The following TEK variants were observed in gnomAD, a reference collection of about 807,000 sequenced individuals.
The protein encoded by TEK is angiopoietin-1 receptor.
Under a neutral mutation model 131.8 loss-of-function variants are expected in TEK, and 43 were observed. The ratio of observed to expected loss-of-function variants is 0.33; its 90% confidence interval spans 0.26 to 0.42. The LOEUF is 0.42. Among genes scored for constraint, TEK ranks in the 10% least tolerant of loss-of-function variants. The probability of loss-of-function intolerance (pLI) is 1.00; values close to 1 mark genes in which losing one functional copy is unlikely to be tolerated. For missense variants in TEK, 1,162 were observed against 1,384.4 expected (o/e 0.84, Z 2.55); for synonymous variants, 580 against 491.6 (o/e 1.18, Z -2.38).
At chr9:27,176,517 A>G (rs140564064) in intron 6 of TEK, among the ~76,000 whole-genome samples, 483 of 152,326 alleles carry the variant, frequency 3.2e-3, no homozygotes, top group African/African-American at 0.011. Context: ...GCTTTGAGTA[A>G]GAAGTTGTGA....
At chr9:27,215,652 T>C (rs1825798856) in intron 18 of TEK, among the ~76,000 whole-genome samples, 1 of 151,892 alleles carries the variant, frequency 6.6e-6, no homozygotes, top group African/African-American at 2.4e-5. Flanking sequence ...GGTTTCACTA[T>C]CATAGATTAA....
At chr9:27,148,160 C>A (rs574258436) in intron 1 of TEK, among the ~76,000 whole-genome samples, 5 of 152,218 alleles carry the variant, frequency 3.3e-5, no homozygotes, top group Non-Finnish European at 7.3e-5. Flanking sequence ...CGAGCACGTC[C>A]TGTAAACATG....
chr9:27,220,664 G>A (rs1274081972), intron 21 of TEK, among the ~76,000 whole-genome samples: 4 of 152,196 alleles, frequency 2.6e-5, no homozygotes. Flanking sequence ...GTGAGCTGAA[G>A]CCTCACCTGG....
At chr9:27,204,887 C>T (rs543228874) in intron 13 of TEK, 24 bp from the exon 14 acceptor site, 9 of 1,613,364 alleles carry the variant, frequency 5.6e-6, no homozygotes, top group Middle Eastern at 1.7e-4. Context: ...AAACTACCTG[C>T]TTCACCTCTG....
chr9:27,169,519 T>A lies in TEK; in HGVS notation c.518T>A (p.Ile173Asn), dbSNP rs749232854. Residue 173 changes from isoleucine (I) to asparagine (N), a missense_variant, in exon 4 of 23, where the codon ATT (isoleucine) becomes AAT (asparagine). Ile to Asn is a moderately radical substitution (Grantham distance 149). Coordinates refer to ENST00000380036, the MANE Select transcript of TEK (RefSeq NM_000459.5). ...HSVPRHEVPD[I>N]LEVHLPHAQP... is the part of the protein sequence containing the mutation. ...GTGCCCCGGCATGAAGTACCTGATA[T>A]TCTAGAAGTACACCTGCCTCATGCT... 6.2e-7 allele frequency: 1 copy of A among 1,614,156 alleles called. No homozygotes were observed. The highest frequency in any genetic ancestry group is 2.2e-5 in the East Asian group (1 of 44,882).
intron 21 of TEK, among the ~76,000 whole-genome samples, chr9:27,226,718 TATA>T (rs1381891006): frequency 6.6e-6 from 1 of 152,094 alleles, no homozygotes; most frequent in Non-Finnish European, 1.5e-5. Context: ...GAACTGAAAG[TATA>T]ATAATAAAAA....
At chr9:27,186,357 C>G (rs546278995) in intron 9 of TEK, among the ~76,000 whole-genome samples, 56 of 152,136 alleles carry the variant, frequency 3.7e-4, no homozygotes, top group Non-Finnish European at 7.5e-4. Context: ...ACAAGAATAC[C>G]TAACAGCTCT....
intron 1 of TEK, among the ~76,000 whole-genome samples, chr9:27,146,436 T>A (rs975387302): frequency 8.5e-5 from 13 of 152,178 alleles, no homozygotes; most frequent in Non-Finnish European, 1.8e-4. Flanking sequence ...GTAGTCAGAT[T>A]TCTCCCAGCC....
chr9:27,222,641 C>A (rs1050792065), intron 21 of TEK, among the ~76,000 whole-genome samples: 10 of 152,100 alleles, frequency 6.6e-5, no homozygotes, highest in African/African-American at 2.4e-4. Flanking sequence ...AGAAATAAAT[C>A]CTTTACAGAC....
intron 1 of TEK, among the ~76,000 whole-genome samples, chr9:27,138,084 G>A (rs953483109): frequency 6.6e-6 from 1 of 152,086 alleles, no homozygotes; most frequent in South Asian, 2.1e-4. Context: ...CGGTGGGTTC[G>A]TGGTCTCACT....
intron 4 of TEK, 131 bp downstream of exon 4, chr9:27,169,760 C>A: frequency 7.9e-7 from 1 of 1,266,328 alleles, no homozygotes; most frequent in East Asian, 2.4e-5. Flanking sequence ...TTGTATTAGT[C>A]TGTTCTTATG....
chr9:27,224,867 C>T (rs1420073399), intron 21 of TEK, among the ~76,000 whole-genome samples: 1 of 152,202 alleles, frequency 6.6e-6, no homozygotes, highest in Non-Finnish European at 1.5e-5. Context: ...CCCATTGTCT[C>T]AGCCCAAAAT....
At chr9:27,224,208 CT>C (rs1435806295) in intron 21 of TEK, among the ~76,000 whole-genome samples, 1 of 152,102 alleles carries the variant, frequency 6.6e-6, no homozygotes, top group African/African-American at 2.4e-5. Flanking sequence ...ACCATTCCTT[CT>C]GCAACTATTC....
At chr9:27,223,308 A>G (rs1471362357) in intron 21 of TEK, among the ~76,000 whole-genome samples, 1 of 152,186 alleles carries the variant, frequency 6.6e-6, no homozygotes, top group Non-Finnish European at 1.5e-5. Context: ...TCCACCCCAA[A>G]TCAACAGAAT....
chr9:27,147,275 C>G (rs1239848169), intron 1 of TEK, among the ~76,000 whole-genome samples: 1 of 151,252 alleles, frequency 6.6e-6, no homozygotes, highest in East Asian at 1.9e-4. Flanking sequence ...GTTTTTTGAT[C>G]TGTTCTAATA....
chr9:27,211,203 G>GAATATATATGTGTATATATA (rs1369848130), intron 16 of TEK, among the ~76,000 whole-genome samples: 1 of 146,372 alleles, frequency 6.8e-6, no homozygotes, highest in East Asian at 2.0e-4. Context: ...GTATATATAT[G>GAATATATATGTGTATATATA]AATATATGTG....
chr9:27,217,550 A>T, intron 18 of TEK, 138 bp from the exon 19 acceptor site: 1 of 745,848 alleles, frequency 1.3e-6, no homozygotes, highest in Admixed American at 2.1e-5. Flanking sequence ...ATTTGAAAAC[A>T]CATGTAGCTG....
rs1175426000 is a variant in TEK at position 27,229,380 on chromosome 9, A to G, written c.*148A>G. 2 of 763,088 alleles carry G rather than the reference A, an allele frequency of 2.6e-6. No individual in the cohort carries two copies. Among genetic ancestry groups the G allele is most frequent in the Non-Finnish European group, 4.7e-6 (2 of 427,660 alleles). 47.3% of individuals were successfully genotyped at this position (763,088 alleles called of 1,614,324 possible). A position where few individuals can be genotyped will look rare whatever the true frequency, so the allele number is the denominator to read the frequency against. ...TGGGACCTTCACCACTGTAGATCCCATGCATGGATCTATGTAGTATGCTCT... is the reference window on the plus strand; with the variant it reads ...TGGGACCTTCACCACTGTAGATCCCGTGCATGGATCTATGTAGTATGCTCT... On this transcript the variant is annotated 3_prime_UTR_variant, in exon 23 of 23. Transcript: ENST00000380036.
chr9:27,182,521 G>C (rs1411547902), intron 7 of TEK, among the ~76,000 whole-genome samples: 2 of 152,082 alleles, frequency 1.3e-5, no homozygotes, highest in Non-Finnish European at 2.9e-5. Context: ...TTCTAGGCCT[G>C]AGAAGTAGGA....
Sources: allele counts gnomAD v4.1 joint callset (sites outside exome capture counted in the v4.1 genomes callset), GRCh38; gene constraint gnomAD v4.1.1; transcripts MANE v1.5; gene names NCBI Gene and HGNC (gene_info 2026-07-23, HGNC 2026-07-21).